INAVA: variants seen among roughly 807,000 people sequenced by gnomAD.
INAVA encodes the protein innate immunity activator, also known as innate immunity activator protein.
A neutral mutation model predicts 55.3 loss-of-function variants in INAVA; 32 were observed. The ratio of observed to expected loss-of-function variants is 0.58; its 90% CI spans 0.44 to 0.78. The LOEUF (loss-of-function observed/expected upper bound fraction) is 0.78. INAVA is among the 30% of genes least tolerant of loss of function. The probability of loss-of-function intolerance (pLI) is 0.00; values close to 1 mark genes in which losing one functional copy is unlikely to be tolerated. For synonymous variants in INAVA, 294 were observed against 329.4 expected (o/e 0.89, Z 1.16); for missense variants, 756 against 786.4 (o/e 0.96, Z 0.46).
Position 200,913,929 on chromosome 1 carries a change from G to A in INAVA, c.*300G>A. The stretch of plus-strand genomic sequence containing the variant: ...GCCTCTATCTCCTTATATAAGACAA[G>A]TGGCAGGGGACGAGTGAAGCAGAGT... On this transcript the variant is annotated 3_prime_UTR_variant, in exon 10 of 10. Transcript: ENST00000413687. 1 of 343,310 alleles carries A rather than the reference G, an allele frequency of 2.9e-6. No individual in the cohort carries two copies. Among genetic ancestry groups the A allele is most frequent in the Non-Finnish European group, 5.3e-6 (1 of 187,626 alleles). 21.3% of individuals were successfully genotyped at this position (343,310 alleles called of 1,614,324 possible).
chr1:200,907,397 T>C (rs1448425324), intron 5 of INAVA, among the ~76,000 whole-genome samples: 1 of 152,176 alleles, frequency 6.6e-6, no homozygotes, highest in Non-Finnish European at 1.5e-5. Flanking sequence ...GGCTCATGCC[T>C]ATAATCCCAG....
intron 5 of INAVA, among the ~76,000 whole-genome samples, chr1:200,903,595 G>A (rs1055671160): frequency 1.7e-4 from 26 of 150,128 alleles, no homozygotes; most frequent in Admixed American, 6.0e-4. Flanking sequence ...ACTTGAGGTC[G>A]GGAGTTCAAG....
At chr1:200,899,224 C>T (rs1268633484) in intron 2 of INAVA, among the ~76,000 whole-genome samples, 1 of 152,084 alleles carries the variant, frequency 6.6e-6, no homozygotes, top group African/African-American at 2.4e-5. Flanking sequence ...CCCCTGCACT[C>T]CCCCACCATA....
In INAVA at chr1:200,909,205, G is replaced by A. The variant is rs746442284; in HGVS notation, c.786-19G>A. ...ATGGAGGCATTCCTGCCACTGACCT[G>A]TCTCTAATCCTTTTGCAGCAGCCCA... On this transcript the variant is annotated intron_variant, in intron 7 of 9. Transcript: ENST00000413687. 3 of 1,494,992 alleles carry A rather than the reference G, an allele frequency of 2.0e-6. No homozygotes were observed. In the South Asian group the frequency reaches 4.2e-5, roughly 21 times the overall value. The allele number at this position is 1,494,992 out of a possible 1,614,324, so 92.6% of individuals were successfully genotyped here.
Position 200,911,592 on chromosome 1 carries a change from T to G in INAVA, c.1099T>G (p.Ser367Ala). Reference protein sequence around the residue: ...KPPLPHAACHSCSEDSGSDVS... With the variant: ...KPPLPHAACHACSEDSGSDVS... ...CCCGCTGCCCCACGCCGCCTGCCAC[T>G]CCTGCTCAGAAGACAGTGGCTCTGA... The change falls in exon 9 of 10, where the codon TCC (serine) becomes GCC (alanine). Residue 367 changes from serine to alanine, a missense_variant. Ser to Ala is a moderately conservative substitution (Grantham distance 99, BLOSUM62 1). Coordinates refer to ENST00000413687, the MANE Select transcript of INAVA (RefSeq NM_001142569.3). The G allele has an allele frequency of 6.2e-7, 1 of 1,613,870 alleles. No individual in the cohort carries two copies. Among genetic ancestry groups the G allele is most frequent in the Admixed American group, 1.7e-5 (1 of 60,024 alleles).
At position 200,912,030 on chromosome 1, in the gene INAVA, C is replaced by T. The variant is rs1459697098; in HGVS notation, c.1537C>T (p.Leu513Phe). ...ELKWWHERAR[L>F]RSTRPHSLDR... ...CAAGTGGTGGCACGAGCGTGCACGCCTCCGGAGCACCCGCCCCCACTCACT... is the reference window on the plus strand; with the variant it reads ...CAAGTGGTGGCACGAGCGTGCACGCTTCCGGAGCACCCGCCCCCACTCACT... The change falls in exon 9 of 10, where the codon CTC (leucine) becomes TTC (phenylalanine). Residue 513 changes from leucine to phenylalanine, a missense_variant. This residue lies in a region of INAVA where 117 missense variants were observed against 162.1 expected (regional missense o/e 0.72). Transcript: ENST00000413687. The T allele has an allele frequency of 7.8e-6, 12 of 1,543,002 alleles. No individual in the cohort carries two copies. Among genetic ancestry groups the T allele is most frequent in the African/African-American group, 1.4e-5 (1 of 73,156 alleles).
Position 200,911,556 on chromosome 1 carries a change from G to T in INAVA, c.1063G>T (p.Ala355Ser). The T allele has an allele frequency of 6.2e-7, 1 of 1,613,580 alleles. No individual in the cohort carries two copies. The highest frequency in any genetic ancestry group is 8.5e-7 in the Non-Finnish European group (1 of 1,179,872). The change falls in exon 9 of 10, where the codon GCG becomes TCG. Residue 355 changes from alanine (A) to serine (S), a missense_variant. Around this residue, in one of 2 missense-constraint regions of INAVA, gnomAD observed 639 missense variants for 624.3 expected, o/e 1.02. Transcript: ENST00000413687. ...GACAGTGCCAGATTCCTGCTTTCCC[G>T]CGACCAAGCCCCCGCTGCCCCACGC... ...TVTVPDSCFPATKPPLPHAAC... is the reference protein window; with the variant it reads ...TVTVPDSCFPSTKPPLPHAAC...
intron 9 of INAVA, among the ~76,000 whole-genome samples, chr1:200,913,205 C>T (rs768571658): frequency 3.9e-5 from 6 of 152,222 alleles, no homozygotes; most frequent in Non-Finnish European, 5.9e-5. Context: ...TCCCTTTCTG[C>T]GCGCTTGGGC....
Position 200,908,874 on chromosome 1 carries a change from A to C in INAVA, c.719A>C (p.Lys240Thr), listed in dbSNP as rs753590985. ...GCTCCAGTCCAGAACAGCCCCTGGA[A>C]GGAAACCAGCCTGGACCACCCCTAT... ...ERAPVQNSPW[K>T]ETSLDHPYEK... The change falls in exon 7 of 10, where the codon AAG (lysine) becomes ACG (threonine). Residue 240 changes from lysine (K) to threonine (T), a missense_variant. Transcript: ENST00000413687. 1 of 1,614,024 alleles carries C rather than the reference A, an allele frequency of 6.2e-7. No homozygotes were observed. The highest frequency in any genetic ancestry group is 8.5e-7 in the Non-Finnish European group (1 of 1,179,952).
chr1:200,905,940 G>A (rs1653471106), intron 5 of INAVA, among the ~76,000 whole-genome samples: 1 of 152,214 alleles, frequency 6.6e-6, no homozygotes, highest in Non-Finnish European at 1.5e-5. Flanking sequence ...GACTGTCTGG[G>A]TGTGAATTCT....
intron 5 of INAVA, among the ~76,000 whole-genome samples, chr1:200,904,298 A>T (rs1474633303): frequency 6.6e-6 from 1 of 152,106 alleles, no homozygotes; most frequent in African/African-American, 2.4e-5. Context: ...CAAATTGTCC[A>T]AGCTAGTCTC....
intron 9 of INAVA, among the ~76,000 whole-genome samples, chr1:200,912,982 CCTTT>C (rs1394451943): frequency 3.3e-5 from 5 of 152,128 alleles, no homozygotes; most frequent in African/African-American, 7.2e-5. Context: ...ACACAGGAAT[CCTTT>C]CTTTATTCTT....
Position 200,913,890 on chromosome 1 carries a change from C to T in INAVA, c.*261C>T, listed in dbSNP as rs956531798. ...TGGCCTACTGGACTTAAGGCCTTGC[C>T]TGTCTGACTGACAGCCTCTATCTCC... On this transcript the variant is annotated 3_prime_UTR_variant, in exon 10 of 10. Coordinates refer to ENST00000413687, the MANE Select transcript of INAVA (RefSeq NM_001142569.3). The T allele has an allele frequency of 5.7e-5, 25 of 441,164 alleles. No individual in the cohort carries two copies. The highest frequency in any genetic ancestry group is 4.7e-4 in the African/African-American group (24 of 50,646). The allele number at this position is 441,164 out of a possible 1,614,324, so 27.3% of individuals were successfully genotyped here. A position where few individuals can be genotyped will look rare whatever the true frequency, so the allele number is the denominator to read the frequency against.
At chr1:200,898,189 G>T (rs976284929) in intron 1 of INAVA, 118 bp from the exon 2 acceptor site, 4 of 1,097,542 alleles carry the variant, frequency 3.6e-6, no homozygotes, top group Admixed American at 2.3e-5. Context: ...TGCCCCAGAT[G>T]GTTCCTGAAG....
rs534691256 is a variant in INAVA, at chr1:200,905,377, C to T, written c.521-2457C>T. 2.8e-4 allele frequency among the ~76,000 whole-genome samples: 42 copies of T among 152,296 alleles called. 1 individual carries two copies. The South Asian group carries it at 8.5e-3, about 31-fold the overall frequency. ...CCTGGACCACACAGGGAGACCCTGT[C>T]TCTACAAATAACTAAAATAAAAAAA... is the stretch of plus-strand genomic sequence containing the variant. On this transcript the variant is annotated intron_variant, in intron 5 of 9. Transcript: ENST00000413687.
At chr1:200,900,062 G>T in intron 3 of INAVA, 42 bp from the exon 4 acceptor site, 1 of 1,542,496 alleles carries the variant, frequency 6.5e-7, no homozygotes, top group South Asian at 1.2e-5. Context: ...GCCAAGTCTG[G>T]GCAGGTGGAG....
upstream of INAVA, among the ~76,000 whole-genome samples, chr1:200,892,358 GC>G (rs1395699426): frequency 6.6e-6 from 1 of 152,098 alleles, no homozygotes; most frequent in Admixed American, 6.6e-5. Flanking sequence ...CGAGGCCCTT[GC>G]TTTAAAGAAC....
intron 6 of INAVA, chr1:200,908,482 G>C (rs947678424): frequency 9.5e-6 from 4 of 421,432 alleles, no homozygotes; most frequent in Non-Finnish European, 1.3e-5. Flanking sequence ...AGCACTGTAA[G>C]CCCAAGAGAG....
chr1:200,901,935 A>G (rs943209666), intron 5 of INAVA, among the ~76,000 whole-genome samples: 1 of 152,154 alleles, frequency 6.6e-6, no homozygotes, highest in Non-Finnish European at 1.5e-5. Context: ...CTGAGCCCTT[A>G]GGTGTGACTG....
Sources: gnomAD v4.1 joint callset for allele counts (sites outside exome capture counted in the v4.1 genomes callset) on GRCh38, gnomAD v4.1.1 for gene constraint, gnomAD v4.1.1 regional missense constraint, MANE v1.5 for transcripts, NCBI Gene and HGNC (gene_info 2026-07-23, HGNC 2026-07-21) for gene names.